The following PCDH9 variants were observed in gnomAD, a reference collection of about 807,000 sequenced individuals.
The protein encoded by PCDH9 is protocadherin-9.
A neutral mutation model predicts 70.6 loss-of-function variants in PCDH9; 24 were observed. The observed-to-expected ratio is 0.34, with a 90% CI of 0.25 to 0.48. The LOEUF (loss-of-function observed/expected upper bound fraction) is 0.48. Ranked by LOEUF, PCDH9 falls within the 20% of genes least tolerant of loss-of-function variation. The pLI is 0.99. For missense variants in PCDH9, 1,281 were observed against 1,503.6 expected (o/e 0.85, Z 2.45); for synonymous variants, 562 against 558.5 (o/e 1.01, Z -0.09).
chr13:66,690,755 T>A (rs749631065), intron 3 of PCDH9, among the ~76,000 whole-genome samples: 2 of 152,200 alleles, frequency 1.3e-5, no homozygotes, highest in Admixed American at 1.3e-4. Context: ...CCTGGTTTTA[T>A]TCCCTGAATT....
intron 3 of PCDH9, among the ~76,000 whole-genome samples, chr13:66,886,955 C>T (rs1474822493): frequency 2.0e-5 from 3 of 151,370 alleles, no homozygotes; most frequent in African/African-American, 4.9e-5. Flanking sequence ...GAATACTCCC[C>T]GATCTCATTA....
intron 4 of PCDH9, among the ~76,000 whole-genome samples, chr13:66,316,138 A>T: frequency 6.6e-6 from 1 of 152,030 alleles, no homozygotes; most frequent in East Asian, 1.9e-4. Flanking sequence ...CCATCATCAC[A>T]TCACCATCTC....
chr13:67,084,892 G>T (rs1203365970), intron 2 of PCDH9, among the ~76,000 whole-genome samples: 1 of 133,596 alleles, frequency 7.5e-6, no homozygotes, highest in Non-Finnish European at 1.6e-5. Flanking sequence ...GCTTAAACCC[G>T]GAAGGTGGAG....
intron 2 of PCDH9, among the ~76,000 whole-genome samples, chr13:66,934,539 C>T (rs2082873349): frequency 1.4e-5 from 1 of 71,140 alleles, no homozygotes; most frequent in East Asian, 7.7e-4. Context: ...GAAACTCAGT[C>T]CCAAAAAAAA....
At chr13:66,359,386 T>C (rs1245343749) in intron 4 of PCDH9, among the ~76,000 whole-genome samples, 3 of 152,016 alleles carry the variant, frequency 2.0e-5, no homozygotes, top group Admixed American at 2.0e-4. Flanking sequence ...TTAAAACTTA[T>C]GACAGTTACA....
intron 3 of PCDH9, among the ~76,000 whole-genome samples, chr13:66,727,902 T>C (rs955716137): frequency 3.3e-5 from 5 of 152,130 alleles, no homozygotes; most frequent in African/African-American, 9.7e-5. Context: ...TCTCTAGTAG[T>C]AGTTCACTTC....
At chr13:66,947,392 T>C (rs2083105963) in intron 2 of PCDH9, among the ~76,000 whole-genome samples, 1 of 152,136 alleles carries the variant, frequency 6.6e-6, no homozygotes, top group African/African-American at 2.4e-5. Context: ...ATCTTTTCTA[T>C]AAAAATAAAT....
Position 66,848,650 on chromosome 13 carries a change from C to G in PCDH9, c.3138+54854G>C, listed in dbSNP as rs555023394. 5.3e-5 allele frequency among the ~76,000 whole-genome samples: 8 copies of G among 151,978 alleles called. No homozygotes were observed. The South Asian group carries it at 1.5e-3, about 28-fold the overall frequency. ...ATGTATAAGAGGAGCCAAAATCGGC[C>G]GGGCGCGGTGGCTTACACCTGTAAT... On this transcript the variant is annotated intron_variant, in intron 3 of 4. Transcript: ENST00000377865.
intron 3 of PCDH9, among the ~76,000 whole-genome samples, chr13:66,730,690 T>C (rs1395169156): frequency 1.3e-5 from 2 of 151,192 alleles, no homozygotes; most frequent in Admixed American, 1.3e-4. Flanking sequence ...CCTTTTTTTT[T>C]TTTTTTGAGA....
At chr13:66,934,310 T>C (rs1392242068) in intron 2 of PCDH9, among the ~76,000 whole-genome samples, 1 of 151,988 alleles carries the variant, frequency 6.6e-6, no homozygotes, top group Non-Finnish European at 1.5e-5. Flanking sequence ...AGTGGGCGGA[T>C]CACCTGAGGT....
At chr13:66,744,016 C>T (rs1443475461) in intron 3 of PCDH9, among the ~76,000 whole-genome samples, 1 of 151,996 alleles carries the variant, frequency 6.6e-6, no homozygotes, top group African/African-American at 2.4e-5. Context: ...AAAGGCCATA[C>T]GTGCATAAAA....
chr13:66,310,024 T>A (rs2138061456), intron 4 of PCDH9, among the ~76,000 whole-genome samples: 1 of 152,110 alleles, frequency 6.6e-6, no homozygotes, highest in South Asian at 2.1e-4. Flanking sequence ...TAATCTATCA[T>A]AAATTTTTTA....
chr13:66,725,784 T>TTAC (rs1201827481), intron 3 of PCDH9, among the ~76,000 whole-genome samples: 19 of 152,172 alleles, frequency 1.2e-4, no homozygotes, highest in African/African-American at 4.6e-4. Context: ...TGACACGCAT[T>TTAC]TACAAATAGA....
At chr13:66,777,805 T>A (rs1009730086) in intron 3 of PCDH9, among the ~76,000 whole-genome samples, 4 of 152,082 alleles carry the variant, frequency 2.6e-5, no homozygotes, top group Non-Finnish European at 5.9e-5. Context: ...GGACTATAAA[T>A]CATGCTGCTA....
intron 4 of PCDH9, among the ~76,000 whole-genome samples, chr13:66,536,061 C>T (rs1960689109): frequency 6.6e-6 from 1 of 152,020 alleles, no homozygotes; most frequent in Non-Finnish European, 1.5e-5. Flanking sequence ...TGTATCTGCT[C>T]CTCTGCTCCT....
chr13:66,652,586 A>G (rs1325167657), intron 3 of PCDH9, among the ~76,000 whole-genome samples: 1 of 143,804 alleles, frequency 7.0e-6, no homozygotes, highest in African/African-American at 2.6e-5. Flanking sequence ...TTCAATCTGT[A>G]AAAAAAAAAA....
At chr13:66,986,130 A>G (rs913571345) in intron 2 of PCDH9, among the ~76,000 whole-genome samples, 3 of 152,058 alleles carry the variant, frequency 2.0e-5, no homozygotes, top group Non-Finnish European at 1.5e-5. Context: ...GGGGAAGCAA[A>G]CATGTCTTCT....
intron 2 of PCDH9, among the ~76,000 whole-genome samples, chr13:67,097,753 T>TA (rs571198792): frequency 1.3e-4 from 20 of 152,198 alleles, no homozygotes; most frequent in African/African-American, 4.3e-4. Flanking sequence ...GTTTTTGATA[T>TA]AAAAAAACTA....
At chr13:66,938,845 C>A (rs868690970) in intron 2 of PCDH9, among the ~76,000 whole-genome samples, 6 of 152,014 alleles carry the variant, frequency 3.9e-5, no homozygotes, top group Admixed American at 3.9e-4. Context: ...ATATGTAGAT[C>A]ATTTTAAAAG....
Sources: gnomAD v4.1 joint callset for allele counts (sites outside exome capture counted in the v4.1 genomes callset) on GRCh38, gnomAD v4.1.1 for gene constraint, MANE v1.5 for transcripts, NCBI Gene and HGNC (gene_info 2026-07-23, HGNC 2026-07-21) for gene names.